The following NCKAP5 variants were observed in gnomAD, a reference collection of about 807,000 sequenced individuals.
NCKAP5 encodes NCK associated protein 5.
NCKAP5 carries 92 observed loss-of-function variants against 167.0 expected under a neutral mutation model. That is an observed-to-expected ratio of 0.55 (90% CI 0.47 to 0.66). The LOEUF (loss-of-function observed/expected upper bound fraction) is 0.66, where lower values mean the gene tolerates loss of function less well. Among genes scored for constraint, NCKAP5 ranks in the 30% least tolerant of loss-of-function variants. The pLI is 0.00. For missense variants in NCKAP5, 2,378 were observed against 2,315.0 expected, an observed-to-expected ratio of 1.03 and a Z score of -0.56; for synonymous variants, 891 against 877.4, an observed-to-expected ratio of 1.02 and a Z score of -0.27.
the NCKAP5 span, among the ~76,000 whole-genome samples, chr2:133,661,148 C>T: frequency 2.6e-5 from 4 of 151,574 alleles, no homozygotes; most frequent in East Asian, 3.9e-4. Flanking sequence ...TGAGAAATGA[C>T]GAGGATTGAT....
intron 8 of NCKAP5, among the ~76,000 whole-genome samples, chr2:132,912,859 G>C (rs1694561782): frequency 6.6e-6 from 1 of 152,080 alleles, no homozygotes; most frequent in African/African-American, 2.4e-5. Flanking sequence ...TCTGGTTCTA[G>C]TGTTATTTCA....
At chr2:133,471,559 G>T (rs942804216) in intron 3 of NCKAP5, among the ~76,000 whole-genome samples, 1 of 152,062 alleles carries the variant, frequency 6.6e-6, no homozygotes, top group Admixed American at 6.5e-5. Context: ...GCAGGCAGAG[G>T]GTCTCAAGCT....
At chr2:132,865,732 G>A (rs1482349081) in intron 10 of NCKAP5, among the ~76,000 whole-genome samples, 1 of 152,192 alleles carries the variant, frequency 6.6e-6, no homozygotes, top group African/African-American at 2.4e-5. Context: ...AAGAATGAGG[G>A]AGTGGGTCAG....
At chr2:132,736,638 T>C (rs1353647454) in intron 16 of NCKAP5, among the ~76,000 whole-genome samples, 1 of 145,314 alleles carries the variant, frequency 6.9e-6, no homozygotes, top group African/African-American at 2.5e-5. Context: ...AAAAAAAAAA[T>C]CAGTTGGGCA....
chr2:133,474,152 C>CTATCTA (rs1248045615), intron 3 of NCKAP5, among the ~76,000 whole-genome samples: 2 of 119,600 alleles, frequency 1.7e-5, no homozygotes, highest in Non-Finnish European at 3.1e-5. Context: ...ATCTATCTAT[C>CTATCTA]TATACACACA....
At chr2:133,027,465 G>T (rs923426423) in intron 6 of NCKAP5, among the ~76,000 whole-genome samples, 1 of 152,176 alleles carries the variant, frequency 6.6e-6, no homozygotes, top group African/African-American at 2.4e-5. Context: ...ATAATTAGAT[G>T]AAGCACGTGA....
the NCKAP5 span, among the ~76,000 whole-genome samples, chr2:133,587,643 T>C: frequency 6.6e-6 from 1 of 152,202 alleles, no homozygotes; most frequent in African/African-American, 2.4e-5. Context: ...TGTTTGGCCC[T>C]AACCAAAGTT....
chr2:133,100,538 C>T (rs570989873), intron 6 of NCKAP5, among the ~76,000 whole-genome samples: 4 of 152,248 alleles, frequency 2.6e-5, no homozygotes, highest in Admixed American at 6.5e-5. Context: ...TCACCTAGGT[C>T]TTTTCCATTG....
intron 19 of NCKAP5, among the ~76,000 whole-genome samples, chr2:132,678,024 A>T (rs1684725190): frequency 6.6e-6 from 1 of 152,190 alleles, no homozygotes; most frequent in South Asian, 2.1e-4. Flanking sequence ...TATAGTTCAC[A>T]ATAGTCATGA....
rs555633755 is a variant in NCKAP5 at position 133,224,114 on chromosome 2, A to T, written c.144-10335T>A. 5.3e-5 allele frequency among the ~76,000 whole-genome samples: 8 copies of T among 152,296 alleles called. No homozygotes were observed. The East Asian group carries it at 1.3e-3, about 26-fold the overall frequency. On this transcript the variant is annotated intron_variant, in intron 4 of 19. Transcript: ENST00000409261. ...TCCTTATCCTATATATGTATTCTCA[A>T]AATTGTTCTTCTGCTCTCAAGAACG...
chr2:133,666,779 A>G, the NCKAP5 span, among the ~76,000 whole-genome samples: 2 of 152,032 alleles, frequency 1.3e-5, no homozygotes, highest in African/African-American at 4.8e-5. Flanking sequence ...TAAAAGTCAC[A>G]CAAATTGGCA....
At position 133,002,622 on chromosome 2, in the gene NCKAP5, CAATTCCACCGA is replaced by C. The variant is rs2077826118; in HGVS notation, c.342-8394_342-8384del. Among the ~76,000 whole-genome samples, 7 of 152,308 alleles carry C rather than the reference CAATTCCACCGA, an allele frequency of 4.6e-5. No individual in the cohort carries two copies. The South Asian group carries it at 1.5e-3, about 32-fold the overall frequency. On this transcript the variant is annotated intron_variant, in intron 6 of 19. Transcript: ENST00000409261. The stretch of plus-strand genomic sequence containing the variant: ...ATATGTCCTGCCCACTGGGTACTCT[CAATTCCACCGA>C]AATGCCACAGAAAACACAGAGCCAA...
At chr2:132,879,065 A>G (rs1246955062) in intron 8 of NCKAP5, 149 bp from the exon 9 acceptor site, 4 of 660,190 alleles carry the variant, frequency 6.1e-6, no homozygotes, top group Middle Eastern at 3.1e-4. Context: ...AAGTACTATT[A>G]TAAATATCGC....
chr2:133,523,070 A>G (rs563051322), intron 2 of NCKAP5, among the ~76,000 whole-genome samples: 4 of 151,062 alleles, frequency 2.6e-5, no homozygotes, highest in African/African-American at 9.7e-5. Context: ...ACTTCTACTC[A>G]GTATCTGTAG....
intron 19 of NCKAP5, among the ~76,000 whole-genome samples, chr2:132,687,712 AACAC>A (rs3069016): frequency 0.018 from 2,399 of 131,534 alleles, 37 homozygotes; most frequent in African/African-American, 0.041. Flanking sequence ...CACCTACCTA[AACAC>A]ACACACACAC....
intron 3 of NCKAP5, among the ~76,000 whole-genome samples, chr2:133,404,113 T>C (rs1245613766): frequency 6.6e-6 from 1 of 152,154 alleles, no homozygotes; most frequent in South Asian, 2.1e-4. Flanking sequence ...CTTAGAATAT[T>C]CTGAATTGAA....
chr2:133,381,436 G>T (rs1331760016), intron 3 of NCKAP5: 1 of 152,164 alleles, frequency 6.6e-6, no homozygotes, highest in Non-Finnish European at 1.5e-5. Flanking sequence ...GTCCTCATCG[G>T]GTGGGCAAAC....
chr2:132,769,302 A>T (rs1236935808), intron 16 of NCKAP5, among the ~76,000 whole-genome samples: 1 of 152,162 alleles, frequency 6.6e-6, no homozygotes, highest in Admixed American at 6.5e-5. Context: ...TTAAACTAAC[A>T]TGATTACCCT....
chr2:133,448,993 A>C (rs1454350039), intron 3 of NCKAP5, among the ~76,000 whole-genome samples: 1 of 152,246 alleles, frequency 6.6e-6, no homozygotes, highest in African/African-American at 2.4e-5. Context: ...TGTACACATG[A>C]ATAATGAGAG....
Sources: gnomAD v4.1 joint callset for allele counts (sites outside exome capture counted in the v4.1 genomes callset) on GRCh38, gnomAD v4.1.1 for gene constraint, MANE v1.5 for transcripts, NCBI Gene and HGNC (gene_info 2026-07-23, HGNC 2026-07-21) for gene names.